The following CLMN variants were observed in gnomAD, a reference collection of about 807,000 sequenced individuals.
The protein encoded by CLMN is calmin (calponin-like, transmembrane).
A neutral mutation model predicts 92.7 loss-of-function variants in CLMN; 57 were observed. That is an observed-to-expected ratio of 0.61 (90% CI 0.50 to 0.77). The LOEUF is 0.77. Ranked by LOEUF, CLMN falls within the 30% of genes least tolerant of loss-of-function variation. The pLI is 0.00. For synonymous variants in CLMN, 466 were observed against 470.6 expected, an observed-to-expected ratio of 0.99 and a Z score of 0.13; for missense variants, 1,158 against 1,237.5, an observed-to-expected ratio of 0.94 and a Z score of 0.96.
intron 1 of CLMN, among the ~76,000 whole-genome samples, chr14:95,249,602 T>G (rs1304343004): frequency 6.6e-6 from 1 of 152,078 alleles, no homozygotes; most frequent in Non-Finnish European, 1.5e-5. Context: ...TCTTTTTCTT[T>G]TTTTTTTGAG....
chr14:95,264,485 T>C lies in CLMN; in HGVS notation c.83-34352A>G, dbSNP rs140488545. ...CTCAGGGAGAATCACAAATCCACCA[T>C]GCTCAGTACAGAGGGCTCAATAAAT... On this transcript the variant is annotated intron_variant, in intron 1 of 12. Transcript: ENST00000298912. Among the ~76,000 whole-genome samples the C allele has an allele frequency of 7.6e-3, 1,164 of 152,206 alleles. 22 individuals carry two copies. Among genetic ancestry groups the C allele is most frequent in the African/African-American group, 0.027 (1,105 of 41,514 alleles).
chr14:95,230,247 C>T (rs1435579226), intron 1 of CLMN, 114 bp from the exon 2 acceptor site: 1 of 959,732 alleles, frequency 1.0e-6, no homozygotes, highest in Non-Finnish European at 1.7e-6. Flanking sequence ...CCAGGGTGTC[C>T]CATGTAAGAA....
intron 1 of CLMN, among the ~76,000 whole-genome samples, chr14:95,298,846 A>G (rs975902408): frequency 6.6e-6 from 1 of 152,184 alleles, no homozygotes; most frequent in Non-Finnish European, 1.5e-5. Context: ...GAGATGCGCC[A>G]TAACCTGCTC....
At position 95,259,655 on chromosome 14, in the gene CLMN, C is replaced by G. The variant is rs374302544; in HGVS notation, c.83-29522G>C. Among the ~76,000 whole-genome samples, 1 of 152,118 alleles carries G rather than the reference C, an allele frequency of 6.6e-6. No homozygotes were observed. The highest frequency in any genetic ancestry group is 2.4e-5 in the African/African-American group (1 of 41,408). On this transcript the variant is annotated intron_variant, in intron 1 of 12. Transcript: ENST00000298912. The surrounding 1 kb of genome is among the most constrained non-coding windows in gnomAD (Gnocchi z 4.3). ...ACTTGCACAGGGCCCACCCCCACCC[C>G]CAGGTGGGACCAGCACAGGGCAGAT...
chr14:95,228,713 C>T (rs886571264), intron 2 of CLMN, among the ~76,000 whole-genome samples: 7 of 152,174 alleles, frequency 4.6e-5, no homozygotes, highest in Admixed American at 3.3e-4. Context: ...CTCGCTCTGC[C>T]GCCCAGGCTG....
In CLMN at chr14:95,183,694, T is replaced by G. The variant is rs911428220; in HGVS notation, c.*7870A>C. 1.3e-5 allele frequency: 2 copies of G among 152,264 alleles called. No individual in the cohort carries two copies. Among genetic ancestry groups the G allele is most frequent in the African/African-American group, 4.8e-5 (2 of 41,472 alleles). The allele number at this position is 152,264 out of a possible 1,614,324, so 9.4% of individuals were successfully genotyped here. A position where few individuals can be genotyped will look rare whatever the true frequency, so the allele number is the denominator to read the frequency against. ...GGAGGCCCTGAAGAACTGTCTTTGATGTTGGACACTGAGATTTTACTGCAA... is the reference window on the plus strand; with the variant it reads ...GGAGGCCCTGAAGAACTGTCTTTGAGGTTGGACACTGAGATTTTACTGCAA... On this transcript the variant is annotated 3_prime_UTR_variant, in exon 13 of 13. Coordinates refer to ENST00000298912, the MANE Select transcript of CLMN (RefSeq NM_024734.4).
intron 1 of CLMN, among the ~76,000 whole-genome samples, chr14:95,317,391 C>T (rs138452996): frequency 2.0e-5 from 3 of 152,312 alleles, no homozygotes; most frequent in Non-Finnish European, 2.9e-5. Flanking sequence ...ACGCCCGACA[C>T]GGTAACTCTA....
rs1293618583 is a variant in CLMN, at chr14:95,194,523, T to C, written c.2769+13A>G. 1 of 1,614,068 alleles carries C rather than the reference T, an allele frequency of 6.2e-7. No homozygotes were observed. Among genetic ancestry groups the C allele is most frequent in the South Asian group, 1.1e-5 (1 of 91,080 alleles). On this transcript the variant is annotated intron_variant, in intron 11 of 12. Coordinates refer to ENST00000298912, the MANE Select transcript of CLMN (RefSeq NM_024734.4). This position sits in a 1 kb window ranked among gnomAD's most constrained non-coding sequence, Gnocchi z 4.0. ...AGGGGCCGTGCGGAAAGAGAAGAAA[T>C]TCACATACTAACCGATTCCGAAGAC...
At chr14:95,304,292 TGC>T (rs1901180630) in intron 1 of CLMN, among the ~76,000 whole-genome samples, 2 of 151,708 alleles carry the variant, frequency 1.3e-5, no homozygotes, top group Admixed American at 1.3e-4. Context: ...GCCATGATGG[TGC>T]CACTGCATTC....
chr14:95,235,752 G>A (rs538609582), intron 1 of CLMN, among the ~76,000 whole-genome samples: 4 of 152,252 alleles, frequency 2.6e-5, no homozygotes, highest in African/African-American at 7.2e-5. Context: ...ATTCTTTGAC[G>A]TCCATCCAGA....
chr14:95,213,560 G>A, intron 5 of CLMN, 151 bp from the exon 6 acceptor site: 1 of 678,010 alleles, frequency 1.5e-6, no homozygotes, highest in East Asian at 2.8e-5. Context: ...TCTGATGGCT[G>A]TGGCAGGGGA....
At chr14:95,281,141 A>G (rs1334207277) in intron 1 of CLMN, among the ~76,000 whole-genome samples, 1 of 152,248 alleles carries the variant, frequency 6.6e-6, no homozygotes, top group African/African-American at 2.4e-5. Flanking sequence ...TGACAGGCCC[A>G]GGAGCCCCAA....
chr14:95,316,569 C>A (rs183543332), intron 1 of CLMN, among the ~76,000 whole-genome samples: 2 of 152,280 alleles, frequency 1.3e-5, no homozygotes, highest in Admixed American at 1.3e-4. Flanking sequence ...TGGGGGATGA[C>A]CTATGACATC....
At chr14:95,222,550 A>C (rs772880954) in intron 3 of CLMN, 6 of 455,320 alleles carry the variant, frequency 1.3e-5, no homozygotes, top group African/African-American at 1.2e-4. Flanking sequence ...CCAGAATCAA[A>C]GACTCCCCGT....
intron 1 of CLMN, among the ~76,000 whole-genome samples, chr14:95,312,154 A>C (rs1901569431): frequency 6.6e-6 from 1 of 150,968 alleles, no homozygotes; most frequent in Admixed American, 6.6e-5. Context: ...CCCACCCTAC[A>C]CTCCTGCAGG....
intron 1 of CLMN, among the ~76,000 whole-genome samples, chr14:95,285,577 C>G (rs1033099944): frequency 2.6e-4 from 39 of 152,266 alleles, no homozygotes; most frequent in South Asian, 6.2e-4. Flanking sequence ...GTAGAACATG[C>G]CTTCCTCCCC....
At chr14:95,279,345 C>T (rs988447469) in intron 1 of CLMN, among the ~76,000 whole-genome samples, 7 of 152,158 alleles carry the variant, frequency 4.6e-5, no homozygotes, top group African/African-American at 1.7e-4. Flanking sequence ...TTGATAATTG[C>T]TCAGCTTACC....
At chr14:95,284,606 G>C (rs184448013) in intron 1 of CLMN, among the ~76,000 whole-genome samples, 67 of 152,260 alleles carry the variant, frequency 4.4e-4, no homozygotes, top group Admixed American at 4.2e-3. Context: ...TGGAGTCAAA[G>C]ATCATTTTGG....
chr14:95,242,574 C>CTTTCTTT (rs749024477), intron 1 of CLMN, among the ~76,000 whole-genome samples: 2 of 119,856 alleles, frequency 1.7e-5, no homozygotes, highest in African/African-American at 6.2e-5. Context: ...ATCTCTTTTT[C>CTTTCTTT]TTTTTTTTTG....
Sources: gnomAD v4.1 joint callset for allele counts (sites outside exome capture counted in the v4.1 genomes callset) on GRCh38, gnomAD v4.1.1 for gene constraint, Gnocchi (gnomAD v3.1) non-coding constraint, MANE v1.5 for transcripts, NCBI Gene and HGNC (gene_info 2026-07-23, HGNC 2026-07-21) for gene names.